Variants in CFH observed in about 807,000 individuals in gnomAD.
The protein encoded by CFH is H factor 1 (complement).
Under a neutral mutation model 147.3 loss-of-function variants are expected in CFH, and 53 were observed. That is an observed-to-expected ratio of 0.36 (90% CI 0.29 to 0.45). The LOEUF (loss-of-function observed/expected upper bound fraction) is 0.45. Among genes scored for constraint, CFH ranks in the 20% least tolerant of loss-of-function variants. CFH has a pLI of 1.00. For synonymous variants in CFH, 536 were observed against 489.4 expected (o/e 1.10, Z -1.26); for missense variants, 1,380 against 1,498.0 (o/e 0.92, Z 1.30).
At chr1:196,745,187 TA>T (rs1396889817) in intron 20 of CFH, among the ~76,000 whole-genome samples, 1 of 152,164 alleles carries the variant, frequency 6.6e-6, no homozygotes, top group Non-Finnish European at 1.5e-5. Flanking sequence ...CTCAGCTTCT[TA>T]AATATAAGTT....
chr1:196,681,688 A>G (rs1667664442), intron 6 of CFH, among the ~76,000 whole-genome samples: 1 of 151,772 alleles, frequency 6.6e-6, no homozygotes, highest in Non-Finnish European at 1.5e-5. Flanking sequence ...CTAATAATCG[A>G]TATAAATAAA....
chr1:196,708,333 C>T (rs1668643559), intron 9 of CFH, among the ~76,000 whole-genome samples: 1 of 152,192 alleles, frequency 6.6e-6, no homozygotes, highest in Admixed American at 6.5e-5. Flanking sequence ...CAGCTTCTTT[C>T]CATGGCTACT....
At position 196,685,135 on chromosome 1, in the gene CFH, G is replaced by C. The variant is rs1667782268; in HGVS notation, c.862G>C (p.Asp288His). The change falls in exon 7 of 22, where the codon GAT becomes CAT. Residue 288 changes from aspartate to histidine, a missense_variant. Asp to His is a moderately conservative substitution (Grantham distance 81). Transcript: ENST00000367429. The stretch of plus-strand genomic sequence containing the variant: ...TTTAAGGATTAAACACAGAACTGGA[G>C]ATGAAATCACGTACCAGTGTAGAAA... Reference protein sequence around the residue: ...SPLRIKHRTGDEITYQCRNGF... With the variant: ...SPLRIKHRTGHEITYQCRNGF... 6.2e-7 allele frequency: 1 copy of C among 1,612,490 alleles called. No homozygotes were observed. The highest frequency in any genetic ancestry group is 8.5e-7 in the Non-Finnish European group (1 of 1,178,972).
At chr1:196,694,228 T>G (rs1484625639) in intron 9 of CFH, among the ~76,000 whole-genome samples, 1 of 152,082 alleles carries the variant, frequency 6.6e-6, no homozygotes, top group Non-Finnish European at 1.5e-5. Flanking sequence ...ATTGATCAAC[T>G]CTCACTTATG....
At position 196,679,645 on chromosome 1, in the gene CFH, T is replaced by G. The variant is rs775212665; in HGVS notation, c.642T>G (p.Asp214Glu). The G allele has an allele frequency of 6.2e-7, 1 of 1,605,456 alleles. No individual in the cohort carries two copies. Residue 214 changes from aspartate (D) to glutamate (E), a missense_variant, in exon 6 of 22, where the codon GAT becomes GAG. This residue lies in a region of CFH where 260 missense variants were observed against 263.3 expected (regional missense o/e 0.99). Transcript: ENST00000367429. ...TAGAAATTTCATGCAAATCCCCAGA[T>G]GTTATAAATGGATCTCCTATATCTC... ...KCVEISCKSP[D>E]VINGSPISQK...
chr1:196,692,939 C>CTT (rs1053309925), intron 9 of CFH, among the ~76,000 whole-genome samples: 1 of 132,402 alleles, frequency 7.6e-6, no homozygotes, highest in Non-Finnish European at 1.6e-5. Context: ...TCCTTCTTTC[C>CTT]TTTTGTCCCA....
At position 196,728,348 on chromosome 1, in the gene CFH, A is replaced by G. The variant is rs1669196503; in HGVS notation, c.2239A>G (p.Ile747Val). 2 of 1,447,738 alleles carry G rather than the reference A, an allele frequency of 1.4e-6. No homozygotes were observed. The highest frequency in any genetic ancestry group is 1.9e-6 in the Non-Finnish European group (2 of 1,066,730). 89.7% of individuals were successfully genotyped at this position (1,447,738 alleles called of 1,614,324 possible). ...ATAAAAATATATTTATTTTATAGCA[A>G]TAGATAAACTTAAGAAGTGCAAATC... ...VWTQLPQCVAIDKLKKCKSSN... is the reference protein window; with the variant it reads ...VWTQLPQCVAVDKLKKCKSSN... The change falls in exon 15 of 22, where the codon ATA becomes GTA. Residue 747 changes from isoleucine (I) to valine (V), a missense_variant and splice_region_variant. This residue lies in a region of CFH where 830 missense variants were observed against 821.4 expected (regional missense o/e 1.01). Transcript: ENST00000367429.
chr1:196,674,063 TA>T, intron 3 of CFH, 101 bp downstream of exon 3: 2 of 810,022 alleles, frequency 2.5e-6, no homozygotes, highest in East Asian at 2.7e-5. Context: ...TATGAGCATT[TA>T]AAAAAGTAAT....
chr1:196,683,707 A>G (rs142058409), intron 6 of CFH, among the ~76,000 whole-genome samples: 127 of 151,918 alleles, frequency 8.4e-4, no homozygotes, highest in African/African-American at 2.8e-3. Context: ...TTTACCACTG[A>G]AGACTAAACT....
rs1204561159 is a variant in CFH at position 196,689,518 on chromosome 1, T to C, written c.1063T>C (p.Tyr355His). The C allele has an allele frequency of 6.2e-7, 1 of 1,613,594 alleles. No individual in the cohort carries two copies. The highest frequency in any genetic ancestry group is 1.7e-5 in the Admixed American group (1 of 59,938). ...AGTAGCTGTAGGAAAATATTACTCC[T>C]ATTACTGTGATGAACATTTTGAGAC... ...FPVAVGKYYS[Y>H]YCDEHFETPS... Residue 355 changes from tyrosine to histidine, a missense_variant, in exon 8 of 22, where the codon TAT (tyrosine) becomes CAT (histidine). Transcript: ENST00000367429.
rs420921 is a variant in CFH at position 196,746,920 on chromosome 1, G to A, written c.3494-191G>A. Among the ~76,000 whole-genome samples the A allele has an allele frequency of 5.3e-5, 8 of 152,038 alleles. No individual in the cohort carries two copies. In the South Asian group the frequency reaches 6.2e-4, roughly 12 times the overall value. Reference sequence around the variant, plus strand: ...CCCTAATTCTCATACATTAAACATCGAACCTCATTTTCACATCGATTACCA... The same window carrying A: ...CCCTAATTCTCATACATTAAACATCAAACCTCATTTTCACATCGATTACCA... On this transcript the variant is annotated intron_variant, in intron 21 of 21. Coordinates refer to ENST00000367429, the MANE Select transcript of CFH (RefSeq NM_000186.4).
rs539531285 is a variant in CFH, at chr1:196,689,027, A to G, written c.965-393A>G. ...CTTGTTTACTGATGAGAATAGAAAA[A>G]AAAGAAAGAAAGAAAGAAAGAAATA... On this transcript the variant is annotated intron_variant, in intron 7 of 21. Transcript: ENST00000367429. Among the ~76,000 whole-genome samples, 147 of 149,806 alleles carry G rather than the reference A, an allele frequency of 9.8e-4. 2 individuals are homozygous for G. Among genetic ancestry groups the G allele is most frequent in the South Asian group, 2.3e-3 (11 of 4,812 alleles).
chr1:196,684,050 T>A (rs35198449), intron 6 of CFH, among the ~76,000 whole-genome samples: 2,397 of 152,064 alleles, frequency 0.016, 20 homozygotes, highest in Non-Finnish European at 0.02. Flanking sequence ...GTATTTTATC[T>A]TAAAACGAAT....
At position 196,747,414 on chromosome 1, in the gene CFH, A is replaced by C; in HGVS notation, c.*101A>C. ...GTTTTACTCCTTTTTATTCATACGT[A>C]AAATTTTGGATTAATTTGTGAAAAT... On this transcript the variant is annotated 3_prime_UTR_variant, in exon 22 of 22. Coordinates refer to ENST00000367429, the MANE Select transcript of CFH (RefSeq NM_000186.4). The C allele has an allele frequency of 4.9e-6, 7 of 1,429,566 alleles. No individual in the cohort carries two copies. Among genetic ancestry groups the C allele is most frequent in the Non-Finnish European group, 6.8e-6 (7 of 1,031,602 alleles). 88.6% of individuals were successfully genotyped at this position (1,429,566 alleles called of 1,614,324 possible). A position where few individuals can be genotyped will look rare whatever the true frequency, so the allele number is the denominator to read the frequency against.
chr1:196,678,955 G>T (rs181364258), intron 5 of CFH: 272 of 152,338 alleles, frequency 1.8e-3, no homozygotes, highest in Non-Finnish European at 2.8e-3. Flanking sequence ...ATTGATTTGG[G>T]AATCAATGAA....
At chr1:196,659,353 A>C (rs1666828352) in intron 1 of CFH, among the ~76,000 whole-genome samples, 1 of 152,210 alleles carries the variant, frequency 6.6e-6, no homozygotes, top group South Asian at 2.1e-4. Flanking sequence ...TGAGTTGATA[A>C]TGATGTAGGA....
chr1:196,700,789 A>G (rs1260826557), intron 9 of CFH: 1 of 984,936 alleles, frequency 1.0e-6, no homozygotes, highest in African/African-American at 1.7e-5. Flanking sequence ...AGTTATGATG[A>G]ACTAAGGGCC....
At chr1:196,731,302 G>A (rs901336025) in intron 15 of CFH, among the ~76,000 whole-genome samples, 2 of 151,812 alleles carry the variant, frequency 1.3e-5, no homozygotes, top group African/African-American at 4.8e-5. Flanking sequence ...ATTTGAAGTT[G>A]TAGTTATCCT....
At chr1:196,668,682 C>A (rs1324150359) in intron 1 of CFH, among the ~76,000 whole-genome samples, 1 of 152,168 alleles carries the variant, frequency 6.6e-6, no homozygotes, top group African/African-American at 2.4e-5. Context: ...TCTCCTGCTA[C>A]CATATGAAGA....
Sources: gnomAD v4.1 joint callset for allele counts (sites outside exome capture counted in the v4.1 genomes callset) on GRCh38, gnomAD v4.1.1 for gene constraint, gnomAD v4.1.1 regional missense constraint, MANE v1.5 for transcripts, NCBI Gene and HGNC (gene_info 2026-07-23, HGNC 2026-07-21) for gene names.